Variants in GALNT13 observed in about 807,000 individuals in gnomAD.
GALNT13 encodes the protein UDP-GalNAc:polypeptide N-acetylgalactosaminyltransferase 13.
GALNT13 carries 28 observed loss-of-function variants against 64.2 expected under a neutral mutation model. The ratio of observed to expected loss-of-function variants is 0.44; its 90% confidence interval spans 0.32 to 0.60. The LOEUF is 0.60. GALNT13 is among the 20% of genes least tolerant of loss of function. The pLI, the probability that GALNT13 is intolerant of heterozygous loss-of-function variation, is 0.05. For synonymous variants in GALNT13, 214 were observed against 224.6 expected (o/e 0.95, Z 0.42); for missense variants, 577 against 669.8 (o/e 0.86, Z 1.53).
intron 4 of GALNT13, among the ~76,000 whole-genome samples, chr2:154,229,981 AT>A (rs1475802595): frequency 1.3e-5 from 2 of 152,136 alleles, no homozygotes; most frequent in African/African-American, 2.4e-5. Context: ...AGGATCAAGA[AT>A]ACTCCACAGA....
chr2:153,819,803 C>CGGA, the GALNT13 span, among the ~76,000 whole-genome samples: 1 of 152,202 alleles, frequency 6.6e-6, no homozygotes, highest in Non-Finnish European at 1.5e-5. Flanking sequence ...CAACACACTC[C>CGGA]TCTCCAGATG....
At chr2:153,239,373 T>C in the GALNT13 span, among the ~76,000 whole-genome samples, 2 of 152,194 alleles carry the variant, frequency 1.3e-5, no homozygotes, top group Non-Finnish European at 2.9e-5. Flanking sequence ...CACAGCAATA[T>C]TGAATAACAG....
the GALNT13 span, among the ~76,000 whole-genome samples, chr2:153,492,577 G>A: frequency 6.6e-6 from 1 of 152,148 alleles, no homozygotes. Flanking sequence ...GTCCCACACT[G>A]CTGGGAATAG....
chr2:153,914,533 A>G (rs1410936275), intron 2 of GALNT13, among the ~76,000 whole-genome samples: 1 of 151,732 alleles, frequency 6.6e-6, no homozygotes, highest in Non-Finnish European at 1.5e-5. Flanking sequence ...AGAAAATAGC[A>G]TATATTTGAT....
the GALNT13 span, among the ~76,000 whole-genome samples, chr2:153,754,931 T>C: frequency 1.3e-5 from 2 of 152,304 alleles, no homozygotes; most frequent in South Asian, 4.1e-4. Flanking sequence ...CATGGGTGGA[T>C]GCCAGCTGAG....
chr2:153,522,599 A>G, the GALNT13 span, among the ~76,000 whole-genome samples: 1 of 152,112 alleles, frequency 6.6e-6, no homozygotes, highest in East Asian at 1.9e-4. Flanking sequence ...TTAAATTTGC[A>G]TTTCCCTGAA....
At chr2:153,435,443 G>GAA in the GALNT13 span, among the ~76,000 whole-genome samples, 1 of 151,960 alleles carries the variant, frequency 6.6e-6, no homozygotes, top group Non-Finnish European at 1.5e-5. Context: ...TCACAATATT[G>GAA]ATTCTTCCTA....
At chr2:154,332,049 AT>A (rs1024099616) in intron 9 of GALNT13, among the ~76,000 whole-genome samples, 1 of 152,116 alleles carries the variant, frequency 6.6e-6, no homozygotes, top group African/African-American at 2.4e-5. Context: ...TACAGAAAAC[AT>A]TTGAAGCTAT....
At chr2:153,627,259 A>G in the GALNT13 span, among the ~76,000 whole-genome samples, 1 of 152,076 alleles carries the variant, frequency 6.6e-6, no homozygotes, top group African/African-American at 2.4e-5. Context: ...GAAATATCAT[A>G]ATTATGTATC....
chr2:153,159,014 G>C, the GALNT13 span: 1 of 171,356 alleles, frequency 5.8e-6, no homozygotes, highest in Non-Finnish European at 1.3e-5. Flanking sequence ...CCAGTCCAGG[G>C]GTATTGCAGG....
chr2:154,218,049 A>G (rs1688138872), intron 4 of GALNT13, among the ~76,000 whole-genome samples: 2 of 152,142 alleles, frequency 1.3e-5, no homozygotes. Context: ...CAGGAGACCA[A>G]TATATCACAT....
At chr2:154,110,352 GA>G (rs1702899330) in intron 3 of GALNT13, among the ~76,000 whole-genome samples, 1 of 88,420 alleles carries the variant, frequency 1.1e-5, no homozygotes, top group Non-Finnish European at 2.1e-5. Flanking sequence ...GAGAGAGAGA[GA>G]GAGAGAGAGA....
chr2:153,084,168 T>C, the GALNT13 span, among the ~76,000 whole-genome samples: 3 of 152,188 alleles, frequency 2.0e-5, no homozygotes, highest in Non-Finnish European at 4.4e-5. Context: ...AGTTGGATAA[T>C]GTGATACCTC....
At chr2:153,108,321 T>C in the GALNT13 span, among the ~76,000 whole-genome samples, 4 of 152,282 alleles carry the variant, frequency 2.6e-5, no homozygotes, top group Middle Eastern at 3.4e-3. Context: ...AAATGCTGAA[T>C]TGTATGCTGT....
the GALNT13 span, among the ~76,000 whole-genome samples, chr2:153,637,493 A>G: frequency 1.3e-5 from 2 of 152,140 alleles, no homozygotes; most frequent in African/African-American, 2.4e-5. Flanking sequence ...TAGAATAAAG[A>G]AGAACTGAGA....
At chr2:153,590,637 G>A in the GALNT13 span, among the ~76,000 whole-genome samples, 8 of 151,780 alleles carry the variant, frequency 5.3e-5, no homozygotes, top group African/African-American at 1.7e-4. Context: ...AATAAAGTAA[G>A]TTTTATACAG....
At chr2:154,010,370 T>A (rs553594474) in intron 3 of GALNT13, among the ~76,000 whole-genome samples, 1 of 152,310 alleles carries the variant, frequency 6.6e-6, no homozygotes, top group African/African-American at 2.4e-5. Flanking sequence ...TGTTTTAGTT[T>A]TGTTTATGTG....
intron 12 of GALNT13, 81 bp downstream of exon 12, chr2:154,438,807 G>A (rs1316994239): frequency 2.5e-6 from 3 of 1,191,302 alleles, no homozygotes; most frequent in Non-Finnish European, 3.5e-6. Context: ...TAAATCTTAA[G>A]CTGGTTTTTA....
chr2:154,409,329 A>T (rs1699690230), intron 11 of GALNT13: 2 of 461,444 alleles, frequency 4.3e-6, no homozygotes, highest in South Asian at 5.3e-5. Context: ...AATATTTTAG[A>T]CACATCTCAT....
Sources: gnomAD v4.1 joint callset for allele counts (sites outside exome capture counted in the v4.1 genomes callset) on GRCh38, gnomAD v4.1.1 for gene constraint, MANE v1.5 for transcripts, NCBI Gene and HGNC (gene_info 2026-07-23, HGNC 2026-07-21) for gene names.